EBF1: variants seen among roughly 807,000 people sequenced by gnomAD.
EBF1 encodes the protein EBF transcription factor 1.
In EBF1, 10 loss-of-function variants were observed where a neutral mutation model predicts 68.4. The observed-to-expected ratio is 0.15, with a 90% CI of 0.09 to 0.25. EBF1 has a LOEUF of 0.25. EBF1 is among the 10% of genes least tolerant of loss of function. EBF1 has a pLI of 1.00. For missense variants in EBF1, 509 were observed against 794.4 expected, an observed-to-expected ratio of 0.64 and a Z score of 4.32; for synonymous variants, 298 against 299.8, an observed-to-expected ratio of 0.99 and a Z score of 0.06.
At chr5:158,736,490 TAAAA>T (rs1765219027) in intron 10 of EBF1, among the ~76,000 whole-genome samples, 1 of 152,164 alleles carries the variant, frequency 6.6e-6, no homozygotes, top group South Asian at 2.1e-4. Context: ...TGACTGGAAA[TAAAA>T]AGAAATGCAG....
intron 6 of EBF1, among the ~76,000 whole-genome samples, chr5:159,060,263 A>C (rs1013117860): frequency 1.3e-5 from 2 of 152,202 alleles, no homozygotes; most frequent in Non-Finnish European, 2.9e-5. Context: ...TAAATTTTTA[A>C]ATCGTTATCC....
intron 5 of EBF1, among the ~76,000 whole-genome samples, chr5:159,079,721 C>T (rs1365752075): frequency 4.0e-5 from 6 of 150,386 alleles, no homozygotes; most frequent in Non-Finnish European, 8.8e-5. Context: ...AAGTGATTCT[C>T]GTGCCTCAGC....
intron 6 of EBF1, among the ~76,000 whole-genome samples, chr5:159,056,910 A>G (rs1315452771): frequency 1.3e-5 from 2 of 152,188 alleles, no homozygotes; most frequent in African/African-American, 4.8e-5. Flanking sequence ...ATGACTATTG[A>G]TGAAATACCT....
chr5:158,725,908 T>C (rs1455115717), intron 11 of EBF1, among the ~76,000 whole-genome samples: 1 of 152,224 alleles, frequency 6.6e-6, no homozygotes, highest in African/African-American at 2.4e-5. Flanking sequence ...TGCAATATCA[T>C]TCATCACAAA....
At chr5:158,705,258 G>A (rs1757623638) in intron 15 of EBF1, among the ~76,000 whole-genome samples, 1 of 152,178 alleles carries the variant, frequency 6.6e-6, no homozygotes, top group African/African-American at 2.4e-5. Flanking sequence ...TGAGACTACA[G>A]GTGTGAACCA....
At chr5:158,816,916 T>A (rs1783872603) in intron 8 of EBF1, among the ~76,000 whole-genome samples, 1 of 151,646 alleles carries the variant, frequency 6.6e-6, no homozygotes, top group Admixed American at 6.6e-5. Context: ...CCCTGGTGAG[T>A]TTCCAAAGTC....
chr5:158,956,610 T>C (rs563066594), intron 6 of EBF1, among the ~76,000 whole-genome samples: 1 of 152,180 alleles, frequency 6.6e-6, no homozygotes, highest in Non-Finnish European at 1.5e-5. Context: ...ATTAATTCTT[T>C]GAGAAAGACA....
intron 6 of EBF1, among the ~76,000 whole-genome samples, chr5:158,864,099 G>T (rs1440056995): frequency 1.3e-5 from 2 of 151,772 alleles, no homozygotes; most frequent in Non-Finnish European, 2.9e-5. Context: ...TGGTTGTGGT[G>T]GTACACACCA....
intron 5 of EBF1, among the ~76,000 whole-genome samples, chr5:159,084,105 C>A (rs960881312): frequency 6.6e-6 from 1 of 151,514 alleles, no homozygotes; most frequent in South Asian, 2.1e-4. Context: ...ACTACCTCTG[C>A]GAAGTATTGG....
At chr5:159,097,185 T>C in intron 1 of EBF1, 55 bp from the exon 2 acceptor site, 1 of 1,567,940 alleles carries the variant, frequency 6.4e-7, no homozygotes, top group Non-Finnish European at 8.6e-7. Flanking sequence ...CCCGCGCCCC[T>C]TGTCACCCTG....
intron 6 of EBF1, among the ~76,000 whole-genome samples, chr5:158,930,568 C>G (rs1583254942): frequency 6.6e-6 from 1 of 152,308 alleles, no homozygotes; most frequent in Middle Eastern, 3.4e-3. Flanking sequence ...GAATGGGATA[C>G]TTTGGATACT....
chr5:158,726,802 T>C (rs1763079281), intron 11 of EBF1, among the ~76,000 whole-genome samples: 1 of 151,474 alleles, frequency 6.6e-6, no homozygotes, highest in Non-Finnish European at 1.5e-5. Flanking sequence ...GCAGTGAGGC[T>C]ACCGACCCTG....
At chr5:159,076,990 A>G (rs1778890644) in intron 5 of EBF1, among the ~76,000 whole-genome samples, 1 of 152,248 alleles carries the variant, frequency 6.6e-6, no homozygotes, top group African/African-American at 2.4e-5. Flanking sequence ...ACCAAGTTGC[A>G]GAATACTATT....
chr5:159,098,016 T>A (rs1782962446), intron 1 of EBF1, among the ~76,000 whole-genome samples: 1 of 152,146 alleles, frequency 6.6e-6, no homozygotes, highest in South Asian at 2.1e-4. Flanking sequence ...TCACTCTCAC[T>A]ACCACCCACC....
At chr5:158,830,268 T>C (rs536392483) in intron 7 of EBF1, among the ~76,000 whole-genome samples, 7 of 152,054 alleles carry the variant, frequency 4.6e-5, no homozygotes, top group South Asian at 2.1e-4. Flanking sequence ...CCACCCTCAG[T>C]TCTGGCCTTT....
chr5:158,932,690 C>G, intron 6 of EBF1, among the ~76,000 whole-genome samples: 1 of 152,190 alleles, frequency 6.6e-6, no homozygotes, highest in East Asian at 1.9e-4. Flanking sequence ...AACACACATA[C>G]TTCCTCTATG....
chr5:158,949,942 T>C (rs1243568808), intron 6 of EBF1, among the ~76,000 whole-genome samples: 1 of 152,222 alleles, frequency 6.6e-6, no homozygotes. Context: ...TCACACAGTT[T>C]ATAAGTCATG....
At chr5:158,778,937 G>A (rs997835753) in intron 9 of EBF1, among the ~76,000 whole-genome samples, 2 of 151,958 alleles carry the variant, frequency 1.3e-5, no homozygotes, top group Non-Finnish European at 2.9e-5. Context: ...CTTTTATTCC[G>A]CTTCTTTGTC....
Position 158,714,222 on chromosome 5 carries a change from C to A in EBF1, c.1126-40G>T, listed in dbSNP as rs370368323. 108 of 1,608,998 alleles carry A rather than the reference C, an allele frequency of 6.7e-5. No homozygotes were observed. The African/African-American group carries it at 1.1e-3, about 17-fold the overall frequency. On this transcript the variant is annotated intron_variant, in intron 11 of 15. Transcript: ENST00000313708. ...GCAGATACAATCCTTTGAGTGAAGGCAGGTTGTCGTTATCTTTTGACATGA... is the reference window on the plus strand; with the variant it reads ...GCAGATACAATCCTTTGAGTGAAGGAAGGTTGTCGTTATCTTTTGACATGA...
Sources: gnomAD v4.1 joint callset for allele counts (sites outside exome capture counted in the v4.1 genomes callset) on GRCh38, gnomAD v4.1.1 for gene constraint, MANE v1.5 for transcripts, NCBI Gene and HGNC (gene_info 2026-07-23, HGNC 2026-07-21) for gene names.